The following WTAP variants were observed in gnomAD, a reference collection of about 807,000 sequenced individuals.
WTAP encodes the protein WT1 associated protein.
WTAP carries 8 observed loss-of-function variants against 50.0 expected under a neutral mutation model. The observed-to-expected ratio is 0.16, with a 90% CI of 0.09 to 0.29. WTAP has a LOEUF of 0.29. WTAP is among the 10% of genes least tolerant of loss of function. The pLI is 1.00. For missense variants in WTAP, 295 were observed against 470.7 expected (o/e 0.63, Z 3.45); for synonymous variants, 194 against 169.0 (o/e 1.15, Z -1.15).
chr6:159,726,721 C>G (rs1303545425), upstream of WTAP: 33 of 1,254,546 alleles, frequency 2.6e-5, 1 homozygote, highest in East Asian at 1.8e-3. Flanking sequence ...GCGCAACCTC[C>G]GACGCCAGAG....
rs562083731 is a variant in WTAP at position 159,731,883 on chromosome 6, C to T, written c.-9+4180C>T. Among the ~76,000 whole-genome samples the T allele has an allele frequency of 3.8e-4, 58 of 152,220 alleles. No homozygotes were observed. In the Middle Eastern group the frequency reaches 0.01, roughly 27 times the overall value. On this transcript the variant is annotated intron_variant, in intron 1 of 7. Coordinates refer to ENST00000621533, the MANE Select transcript of WTAP (RefSeq NM_001270531.2). ...CATGTGTTTCTCAGTCCTTTTAATG[C>T]CCTTTAAAAACAGATTATCATCTCA...
At chr6:159,732,862 C>T (rs1432636202) in intron 1 of WTAP, among the ~76,000 whole-genome samples, 1 of 144,864 alleles carries the variant, frequency 6.9e-6, no homozygotes, top group Non-Finnish European at 1.5e-5. Context: ...CTCTCTCTCT[C>T]TCTCTCTCTC....
rs1421775346 is a variant in WTAP at position 159,755,424 on chromosome 6, G to T, written c.1004G>T (p.Gly335Val). ...GSGYVNQLSA[G>V]YESVDSPTGS... is the part of the protein sequence containing the mutation. ...GGTTACGTAAATCAACTCAGTGCGG[G>T]GTATGAAAGTGTAGACTCTCCCACG... The change falls in exon 8 of 8, where the codon GGG becomes GTG. Residue 335 changes from glycine to valine, a missense_variant. By Grantham distance (109) the Gly-to-Val change is moderately radical. This residue lies in a region of WTAP where 175 missense variants were observed against 183.1 expected (regional missense o/e 0.96). Transcript: ENST00000621533. The T allele has an allele frequency of 6.2e-7, 1 of 1,613,972 alleles. No homozygotes were observed. Among genetic ancestry groups the T allele is most frequent in the Admixed American group, 1.7e-5 (1 of 59,982 alleles).
In WTAP at chr6:159,755,413, A is replaced by G. The variant is rs1036581025; in HGVS notation, c.993A>G (p.Gln331=). 6.2e-7 allele frequency: 1 copy of G among 1,614,174 alleles called. No homozygotes were observed. The highest frequency in any genetic ancestry group is 1.3e-5 in the African/African-American group (1 of 75,024). Residue 331 remains glutamine (Q), a synonymous_variant, in exon 8 of 8, where the codon CAA becomes CAG. Transcript: ENST00000621533. ...GAGGAGGTAGTGGTTACGTAAATCA[A>G]CTCAGTGCGGGGTATGAAAGTGTAG... is the stretch of plus-strand genomic sequence containing the variant. The part of the protein sequence containing the change: ...TGRGGSGYVN[Q]LSAGYESVDS...
At chr6:159,754,093 C>CT (rs1258887925) in intron 7 of WTAP, among the ~76,000 whole-genome samples, 2 of 152,156 alleles carry the variant, frequency 1.3e-5, no homozygotes, top group Non-Finnish European at 2.9e-5. Flanking sequence ...AGCCTCCATC[C>CT]TTTTTAGTGC....
chr6:159,739,513 TC>T (rs1779115427), intron 3 of WTAP, among the ~76,000 whole-genome samples: 2 of 152,350 alleles, frequency 1.3e-5, no homozygotes, highest in African/African-American at 4.8e-5. Flanking sequence ...TCTGCGGTTA[TC>T]TTGTAAATGT....
intron 1 of WTAP, among the ~76,000 whole-genome samples, chr6:159,729,166 T>TA (rs1427347127): frequency 6.6e-6 from 1 of 152,242 alleles, no homozygotes. Flanking sequence ...TATGGTCTTG[T>TA]ATGTAGTATT....
intron 6 of WTAP, chr6:159,749,459 T>G: frequency 1.0e-6 from 1 of 980,912 alleles, no homozygotes; most frequent in Non-Finnish European, 1.2e-6. Flanking sequence ...AAGAATATTA[T>G]GATGATTTTG....
intron 2 of WTAP, chr6:159,736,547 T>C (rs1778929344): frequency 2.9e-6 from 1 of 342,688 alleles, no homozygotes; most frequent in Non-Finnish European, 5.3e-6. Context: ...TGGTCTACTC[T>C]TAATGTTCAT....
At chr6:159,741,488 A>G (rs1444575939) in intron 3 of WTAP, 1 of 152,216 alleles carries the variant, frequency 6.6e-6, no homozygotes, top group East Asian at 1.9e-4. Context: ...TGGACAACAT[A>G]TGAAAGCAGC....
chr6:159,735,832 C>G (rs1198478179), intron 1 of WTAP, among the ~76,000 whole-genome samples: 1 of 152,064 alleles, frequency 6.6e-6, no homozygotes, highest in Non-Finnish European at 1.5e-5. Flanking sequence ...TACTACCTTA[C>G]TTTAACAACA....
At chr6:159,728,795 G>A (rs1182311911) in intron 1 of WTAP, among the ~76,000 whole-genome samples, 1 of 152,214 alleles carries the variant, frequency 6.6e-6, no homozygotes, top group Admixed American at 6.5e-5. Context: ...AAGGGTTTGG[G>A]TAGGTGTGTT....
Position 159,755,202 on chromosome 6 carries a change from A to G in WTAP, c.782A>G (p.Glu261Gly). Residue 261 changes from glutamate (E) to glycine (G), a missense_variant, in exon 8 of 8, where the codon GAA becomes GGA. Physicochemically the swap from Glu to Gly is moderately conservative, Grantham distance 98. Coordinates refer to ENST00000621533, the MANE Select transcript of WTAP (RefSeq NM_001270531.2). ...TSRTTASEPV[E>G]QSEATSKDCS... ...AGGACTACAGCTTCTGAACCTGTAGAACAGTCAGAGGCCACAAGTAAAGAC... is the reference window on the plus strand; with the variant it reads ...AGGACTACAGCTTCTGAACCTGTAGGACAGTCAGAGGCCACAAGTAAAGAC... 6.2e-7 allele frequency: 1 copy of G among 1,614,216 alleles called. No individual in the cohort carries two copies.
At chr6:159,741,242 A>G (rs1429577659) in intron 3 of WTAP, among the ~76,000 whole-genome samples, 1 of 152,206 alleles carries the variant, frequency 6.6e-6, no homozygotes, top group Non-Finnish European at 1.5e-5. Context: ...AAGTATAATG[A>G]AGAACAACGG....
At chr6:159,733,486 G>A (rs1388738119) in intron 1 of WTAP, among the ~76,000 whole-genome samples, 1 of 152,114 alleles carries the variant, frequency 6.6e-6, no homozygotes, top group Non-Finnish European at 1.5e-5. Flanking sequence ...ACTGGGTGTG[G>A]TGGCACATGC....
intron 1 of WTAP, among the ~76,000 whole-genome samples, chr6:159,727,974 C>A (rs905292846): frequency 1.3e-5 from 2 of 152,258 alleles, no homozygotes; most frequent in Non-Finnish European, 2.9e-5. Flanking sequence ...CTCACGGAGG[C>A]CGGAGGATGC....
chr6:159,735,748 CA>C (rs111751177), intron 1 of WTAP, among the ~76,000 whole-genome samples: 6,503 of 150,406 alleles, frequency 0.043, 228 homozygotes, highest in African/African-American at 0.082. Flanking sequence ...GACTGTGTCT[CA>C]AAAAAAATAA....
Position 159,755,639 on chromosome 6 carries a change from G to A in WTAP, c.*28G>A. 3 of 1,544,082 alleles carry A rather than the reference G, an allele frequency of 1.9e-6. No homozygotes were observed. ...TTTTTTCAGCAAATTTTTATACAGT[G>A]TCATTTAATTTGGGAGAGGATACTG... On this transcript the variant is annotated 3_prime_UTR_variant, in exon 8 of 8. Coordinates refer to ENST00000621533, the MANE Select transcript of WTAP (RefSeq NM_001270531.2).
intron 1 of WTAP, among the ~76,000 whole-genome samples, chr6:159,728,080 A>T (rs912087690): frequency 6.6e-6 from 1 of 152,152 alleles, no homozygotes; most frequent in Non-Finnish European, 1.5e-5. Flanking sequence ...GGCGGCACTA[A>T]CGAGTTCAGC....
Sources: gnomAD v4.1 joint callset for allele counts (sites outside exome capture counted in the v4.1 genomes callset) on GRCh38, gnomAD v4.1.1 for gene constraint, gnomAD v4.1.1 regional missense constraint, MANE v1.5 for transcripts, NCBI Gene and HGNC (gene_info 2026-07-23, HGNC 2026-07-21) for gene names.